STEAP3: variants seen among roughly 807,000 people sequenced by gnomAD.
STEAP3 encodes the protein STEAP3 metalloreductase, also known as metalloreductase STEAP3.
A neutral mutation model predicts 34.9 loss-of-function variants in STEAP3; 35 were observed. The observed-to-expected ratio is 1.00, with a 90% confidence interval of 0.76 to 1.33. STEAP3 has a LOEUF of 1.33. Among genes scored for constraint, STEAP3 ranks in the 40% most tolerant of loss-of-function variants. STEAP3 has a pLI of 0.00. For synonymous variants in STEAP3, 281 were observed against 301.6 expected (o/e 0.93, Z 0.71); for missense variants, 652 against 667.6 (o/e 0.98, Z 0.26).
chr2:119,242,345 A>G (rs1573553226), intron 2 of STEAP3, among the ~76,000 whole-genome samples: 1 of 152,288 alleles, frequency 6.6e-6, no homozygotes, highest in South Asian at 2.1e-4. Context: ...GTGGTTGGGG[A>G]CAGGCCTGGG....
In STEAP3 at chr2:119,248,048, T is replaced by C; in HGVS notation, c.892T>C (p.Tyr298His). Residue 298 changes from tyrosine (Y) to histidine (H), a missense_variant, in exon 4 of 6, where the codon TAC (tyrosine) becomes CAC (histidine). By Grantham distance (83) the Tyr-to-His change is moderately conservative. Coordinates refer to ENST00000393110, the MANE Select transcript of STEAP3 (RefSeq NM_182915.3). Reference protein sequence around the residue: ...AALQLRRGTKYQRFPDWLDHW... With the variant: ...AALQLRRGTKHQRFPDWLDHW... ...CCTGCAGCTGCGGCGCGGCACCAAG[T>C]ACCAGCGCTTCCCCGACTGGCTGGA... is the stretch of plus-strand genomic sequence containing the variant. 6.2e-7 allele frequency: 1 copy of C among 1,608,986 alleles called. No individual in the cohort carries two copies. The highest frequency in any genetic ancestry group is 8.5e-7 in the Non-Finnish European group (1 of 1,179,896).
intron 2 of STEAP3, among the ~76,000 whole-genome samples, chr2:119,244,052 C>A (rs1677330653): frequency 6.6e-6 from 1 of 152,090 alleles, no homozygotes; most frequent in Non-Finnish European, 1.5e-5. Context: ...CTTACATGCA[C>A]CAGACAAAAT....
chr2:119,236,840 C>T (rs1372483279), intron 2 of STEAP3, among the ~76,000 whole-genome samples: 3 of 152,186 alleles, frequency 2.0e-5, no homozygotes, highest in African/African-American at 7.2e-5. Context: ...GCACTTGGCA[C>T]ACACACATCA....
chr2:119,245,416 AT>A, intron 2 of STEAP3, 72 bp from the exon 3 acceptor site: 1 of 1,516,238 alleles, frequency 6.6e-7, no homozygotes, highest in Non-Finnish European at 8.8e-7. Flanking sequence ...GTTACGATGT[AT>A]AAGAGGAGGG....
At chr2:119,248,488 G>A in intron 4 of STEAP3, 1 of 426,622 alleles carries the variant, frequency 2.3e-6, no homozygotes, top group Non-Finnish European at 4.2e-6. Context: ...GAGAGGATCA[G>A]GAGTGCTAAG....
rs1677387469 is a variant in STEAP3, at chr2:119,245,549, A to AT, written c.84dup (p.Ser29Ter). 1 of 1,603,008 alleles carries AT rather than the reference A, an allele frequency of 6.2e-7. No individual in the cohort carries two copies. The highest frequency in any genetic ancestry group is 8.5e-7 in the Non-Finnish European group (1 of 1,171,056). ...ATCAGCCTCCACCTGGTGGACAGCGATAGTAGCCTTGCCAAGGTCCCCGAT... is the reference window on the plus strand; with the variant it reads ...ATCAGCCTCCACCTGGTGGACAGCGATTAGTAGCCTTGCCAAGGTCCCCGAT... On this transcript the variant is annotated frameshift_variant, in exon 3 of 6. Transcript: ENST00000393110. LOFTEE classifies it high-confidence loss of function.
At chr2:119,244,532 C>A (rs1014907140) in intron 2 of STEAP3, 2 of 151,938 alleles carry the variant, frequency 1.3e-5, no homozygotes, top group Non-Finnish European at 2.9e-5. Flanking sequence ...AGCCACTGCA[C>A]CTGGCTAGCA....
chr2:119,228,305 C>T (rs1679105496), intron 1 of STEAP3, among the ~76,000 whole-genome samples: 2 of 152,178 alleles, frequency 1.3e-5, no homozygotes, highest in African/African-American at 2.4e-5. Context: ...GTGAGCTGGG[C>T]CCTCCAGGTG....
intron 1 of STEAP3, among the ~76,000 whole-genome samples, chr2:119,225,786 G>A (rs530089583): frequency 4.5e-4 from 68 of 152,332 alleles, no homozygotes; most frequent in Admixed American, 1.3e-3. Flanking sequence ...TCCTTACCCC[G>A]TAACATGAAG....
At chr2:119,231,342 C>CGTGTGTGTGTGTGTGTGTGTGT (rs6146901) in intron 2 of STEAP3, among the ~76,000 whole-genome samples, 18 of 143,488 alleles carry the variant, frequency 1.3e-4, no homozygotes, top group Admixed American at 2.1e-4. Flanking sequence ...CACACAGTTG[C>CGTGTGTGTGTGTGTGTGTGTGT]GTGTGTGTGT....
At chr2:119,241,023 G>T (rs1041651966) in intron 2 of STEAP3, among the ~76,000 whole-genome samples, 7 of 151,940 alleles carry the variant, frequency 4.6e-5, no homozygotes, top group Non-Finnish European at 1.0e-4. Flanking sequence ...AGAAGTTAGA[G>T]AAGAGTACAC....
chr2:119,247,689 G>T lies in STEAP3; in HGVS notation c.533G>T (p.Cys178Phe), dbSNP rs776904108. ...PRDGNRQVPI[C>F]GDQPEAKRAV... Reference sequence around the variant, plus strand: ...ACTTTTCTCCCGCAGGTGCCCATCTGCGGTGACCAGCCAGAAGCCAAGCGT... The same window carrying T: ...ACTTTTCTCCCGCAGGTGCCCATCTTCGGTGACCAGCCAGAAGCCAAGCGT... Residue 178 changes from cysteine (C) to phenylalanine (F), a missense_variant, in exon 4 of 6, where the codon TGC becomes TTC. By Grantham distance (205) the Cys-to-Phe change is radical. Coordinates refer to ENST00000393110, the MANE Select transcript of STEAP3 (RefSeq NM_182915.3). 1.3e-6 allele frequency: 2 copies of T among 1,537,644 alleles called. No homozygotes were observed. Among genetic ancestry groups the T allele is most frequent in the Non-Finnish European group, 1.7e-6 (2 of 1,146,158 alleles).
chr2:119,248,269 C>CT (rs1677513518), intron 4 of STEAP3, 63 bp downstream of exon 4: 1 of 1,494,164 alleles, frequency 6.7e-7, no homozygotes, highest in African/African-American at 1.4e-5. Flanking sequence ...GCACCTCCCC[C>CT]CCCCACCAAC....
At chr2:119,235,834 T>C (rs1677078829) in intron 2 of STEAP3, among the ~76,000 whole-genome samples, 2 of 152,148 alleles carry the variant, frequency 1.3e-5, no homozygotes, top group African/African-American at 4.8e-5. Context: ...GGCATGACTG[T>C]CCTCGGCAGG....
intron 3 of STEAP3, 29 bp from the exon 4 acceptor site, chr2:119,247,650 C>T (rs371811503): frequency 1.1e-3 from 1,600 of 1,507,788 alleles, no homozygotes; most frequent in Non-Finnish European, 1.3e-3. Flanking sequence ...CCTGTGACGC[C>T]GTCTGACTGC....
chr2:119,259,380 G>C (rs992421555), intron 5 of STEAP3, among the ~76,000 whole-genome samples: 1 of 152,206 alleles, frequency 6.6e-6, no homozygotes, highest in Non-Finnish European at 1.5e-5. Flanking sequence ...CCCAAGGAGA[G>C]TTTTTGGGAA....
chr2:119,254,797 A>T lies in STEAP3; in HGVS notation c.1164A>T (p.Ser388=). The change falls in exon 5 of 6, where the codon TCA becomes TCT. Residue 388 remains serine, a synonymous_variant. Coordinates refer to ENST00000393110, the MANE Select transcript of STEAP3 (RefSeq NM_182915.3). ...LGTLSLLAVT[S]LPSIANSLNW... is the part of the protein sequence containing the mutation. ...CGTTGTCCCTGCTGGCCGTGACCTC[A>T]CTGCCGTCCATTGCAAACTCGCTCA... 6.2e-7 allele frequency: 1 copy of T among 1,614,150 alleles called. No individual in the cohort carries two copies. Among genetic ancestry groups the T allele is most frequent in the Non-Finnish European group, 8.5e-7 (1 of 1,180,042 alleles).
In STEAP3 at chr2:119,248,123, G is replaced by C; in HGVS notation, c.967G>C (p.Ala323Pro). 1 of 1,608,596 alleles carries C rather than the reference G, an allele frequency of 6.2e-7. No homozygotes were observed. The highest frequency in any genetic ancestry group is 8.5e-7 in the Non-Finnish European group (1 of 1,179,910). The change falls in exon 4 of 6, where the codon GCC becomes CCC. Residue 323 changes from alanine to proline, a missense_variant. Coordinates refer to ENST00000393110, the MANE Select transcript of STEAP3 (RefSeq NM_182915.3). Reference sequence around the variant, plus strand: ...GATCGGGCTGCTCAGCTTCTTCTGCGCCGCCCTGCACGCCCTCTACAGCTT... The same window carrying C: ...GATCGGGCTGCTCAGCTTCTTCTGCCCCGCCCTGCACGCCCTCTACAGCTT... ...KQIGLLSFFC[A>P]ALHALYSFCL...
At chr2:119,251,659 T>G (rs1018780939) in intron 4 of STEAP3, among the ~76,000 whole-genome samples, 5 of 152,084 alleles carry the variant, frequency 3.3e-5, no homozygotes, top group African/African-American at 1.2e-4. Context: ...GACCCCAGTG[T>G]CCTTGGGATA....
Sources: allele counts gnomAD v4.1 joint callset (sites outside exome capture counted in the v4.1 genomes callset), GRCh38; gene constraint gnomAD v4.1.1; transcripts MANE v1.5; gene names NCBI Gene and HGNC (gene_info 2026-07-23, HGNC 2026-07-21).